The following SEPTIN6 variants were observed in gnomAD, a reference collection of about 807,000 sequenced individuals.
The protein encoded by SEPTIN6 is septin-6.
Under a neutral mutation model 33.6 loss-of-function variants are expected in SEPTIN6, and 8 were observed. The ratio of observed to expected loss-of-function variants is 0.24; its 90% CI spans 0.14 to 0.43. The LOEUF is 0.43. SEPTIN6 is among the 20% of genes least tolerant of loss of function. The pLI is 1.00. For synonymous variants in SEPTIN6, 131 were observed against 140.0 expected (o/e 0.94, Z 0.45); for missense variants, 250 against 340.8 (o/e 0.73, Z 2.10).
chrX:119,674,550 T>C (rs1603349510), intron 2 of SEPTIN6, among the ~76,000 whole-genome samples: 1 of 111,790 alleles, frequency 8.9e-6, no homozygotes, highest in South Asian at 3.7e-4. Context: ...CCAAAGTGCT[T>C]TCATGTGCTC....
At chrX:119,676,982 T>C (rs756107976) in intron 1 of SEPTIN6, among the ~76,000 whole-genome samples, 2 of 111,483 alleles carry the variant, frequency 1.8e-5, no homozygotes. Context: ...TGAGTAGGAG[T>C]GTGAGGATTA....
chrX:119,642,177 C>CAAAAAAAAAAAAA (rs1188953936), intron 5 of SEPTIN6, among the ~76,000 whole-genome samples: 1 of 45,371 alleles, frequency 2.2e-5, no homozygotes, highest in African/African-American at 7.1e-5. Flanking sequence ...GACCCAGTCT[C>CAAAAAAAAAAAAA]AAAAAAAAAA....
At chrX:119,616,456 C>T (rs1240202491), downstream of SEPTIN6, 40 of 462,777 alleles carry the variant, frequency 8.6e-5, no homozygotes, top group Non-Finnish European at 1.6e-4. Flanking sequence ...TCTGAGGTTA[C>T]ATTTCGTCCA....
intron 1 of SEPTIN6, among the ~76,000 whole-genome samples, chrX:119,683,214 C>A (rs891124059): frequency 8.9e-6 from 1 of 112,629 alleles, no homozygotes; most frequent in Admixed American, 9.4e-5. Flanking sequence ...GATCGCACAA[C>A]TGCACTCCAG....
intron 10 of SEPTIN6, chrX:119,624,067 C>T (rs1248448505): frequency 2.9e-6 from 1 of 346,802 alleles, no homozygotes; most frequent in South Asian, 2.7e-5. Flanking sequence ...TTCATGAAGC[C>T]AGTACTTGTA....
chrX:119,654,679 TC>T (rs2054409228), intron 3 of SEPTIN6, among the ~76,000 whole-genome samples: 1 of 111,784 alleles, frequency 8.9e-6, no homozygotes, highest in Non-Finnish European at 1.9e-5. Context: ...GCAGGCTATC[TC>T]TGGAGCCCCA....
At chrX:119,651,768 C>T (rs984182890) in intron 4 of SEPTIN6, among the ~76,000 whole-genome samples, 15 of 112,719 alleles carry the variant, frequency 1.3e-4, no homozygotes, top group African/African-American at 4.5e-4. Flanking sequence ...CTCACCAATG[C>T]CCCTATACAG....
At chrX:119,650,253 A>G (rs1412150887) in intron 4 of SEPTIN6, among the ~76,000 whole-genome samples, 155 bp from the exon 5 acceptor site, 4 of 112,273 alleles carry the variant, frequency 3.6e-5, no homozygotes, top group Admixed American at 2.8e-4. Context: ...AATAAACGAC[A>G]AGTACTAACT....
chrX:119,685,162 AT>A (rs1277130244), intron 1 of SEPTIN6, among the ~76,000 whole-genome samples: 1 of 112,442 alleles, frequency 8.9e-6, no homozygotes, highest in Non-Finnish European at 1.9e-5. Context: ...GCAGGATTCC[AT>A]TAAGTAGCCG....
rs546730283 is a variant in SEPTIN6, at chrX:119,679,792, G to A, written c.31-4124C>T. On this transcript the variant is annotated intron_variant, in intron 1 of 10. Transcript: ENST00000394610. ...GGAGAATCACTTGAACCCAGGAGGC[G>A]GAGTTTGCAGTGAGCCGAGATTGCG... Among the ~76,000 whole-genome samples the A allele has an allele frequency of 9.8e-5, 11 of 111,826 alleles. No homozygotes were observed. In the South Asian group the frequency reaches 3.3e-3, roughly 34 times the overall value.
chrX:119,616,885 T>C, downstream of SEPTIN6: 7 of 1,092,555 alleles, frequency 6.4e-6, no homozygotes, highest in East Asian at 3.3e-5. Flanking sequence ...ATGGGGGTCA[T>C]TGCTGGGCCA....
chrX:119,692,861 GC>G (rs1024772198), intron 1 of SEPTIN6, among the ~76,000 whole-genome samples: 1 of 111,352 alleles, frequency 9.0e-6, no homozygotes, highest in African/African-American at 3.3e-5. Context: ...GGTTTTGCCT[GC>G]CCCCCTGCCG....
chrX:119,644,095 T>C (rs1245054552), intron 5 of SEPTIN6, among the ~76,000 whole-genome samples: 1 of 111,441 alleles, frequency 9.0e-6, no homozygotes, highest in African/African-American at 3.3e-5. Context: ...CCCAGGTCTC[T>C]GCAGGAAACT....
intron 6 of SEPTIN6, 59 bp downstream of exon 6, chrX:119,640,629 GACAA>G: frequency 1.1e-6 from 1 of 911,910 alleles, no homozygotes; most frequent in Non-Finnish European, 1.6e-6. Flanking sequence ...AGTGGCTGGG[GACAA>G]ACAAAGAGAC....
At chrX:119,682,822 A>G (rs1321640954) in intron 1 of SEPTIN6, among the ~76,000 whole-genome samples, 1 of 111,445 alleles carries the variant, frequency 9.0e-6, no homozygotes, top group Non-Finnish European at 1.9e-5. Flanking sequence ...GTCAATGGAG[A>G]ATTTCCCGCC....
Position 119,634,444 on chromosome X carries a change from A to G in SEPTIN6, c.957-952T>C, listed in dbSNP as rs1176354092. Among the ~76,000 whole-genome samples the G allele has an allele frequency of 2.7e-5, 3 of 110,048 alleles. No homozygotes were observed. In the Admixed American group the frequency reaches 2.9e-4, roughly 11 times the overall value. On this transcript the variant is annotated intron_variant, in intron 7 of 10. Coordinates refer to ENST00000394610, the MANE Select transcript of SEPTIN6 (RefSeq NM_145799.4). ...GATCCAAAGAGGGCAGCATGTAAGA[A>G]AGCAGGTGTGAAGAGAGAATGACAT...
intron 1 of SEPTIN6, among the ~76,000 whole-genome samples, chrX:119,692,082 G>T (rs2055182140): frequency 9.0e-6 from 1 of 111,089 alleles, no homozygotes; most frequent in Non-Finnish European, 1.9e-5. Flanking sequence ...TCCCAGGCTG[G>T]AAAACTTCAG....
intron 5 of SEPTIN6, among the ~76,000 whole-genome samples, chrX:119,645,156 C>T (rs1281842942): frequency 2.8e-5 from 3 of 108,980 alleles, no homozygotes; most frequent in African/African-American, 1.0e-4. Context: ...GATCCACCCG[C>T]CTTGGTCTCT....
In SEPTIN6 at chrX:119,622,063, C is replaced by A. The variant is rs759658648; in HGVS notation, c.*42-2012G>T. On this transcript the variant is annotated intron_variant, in intron 10 of 10. Transcript: ENST00000394610. ...ACAAAACAACAACAACAAAAAAAAA[C>A]ACTTTGGAAAGTAATAAAAGCTATA... is the stretch of plus-strand genomic sequence containing the variant. 7.9e-3 allele frequency among the ~76,000 whole-genome samples: 815 copies of A among 103,557 alleles called. 3 individuals are homozygous for A. The highest frequency in any genetic ancestry group is 0.013 in the Non-Finnish European group (626 of 48,941). The allele number at this position is 103,557 out of a possible 115,157, so 89.9% of individuals were successfully genotyped here.
Sources: allele counts gnomAD v4.1 joint callset (sites outside exome capture counted in the v4.1 genomes callset), GRCh38; gene constraint gnomAD v4.1.1; transcripts MANE v1.5; gene names NCBI Gene and HGNC (gene_info 2026-07-23, HGNC 2026-07-21).